DLG2: variants seen among roughly 807,000 people sequenced by gnomAD.
DLG2 encodes disks large homolog 2.
A neutral mutation model predicts 132.5 loss-of-function variants in DLG2; 45 were observed. The ratio of observed to expected loss-of-function variants is 0.34; its 90% confidence interval spans 0.27 to 0.44. The LOEUF (loss-of-function observed/expected upper bound fraction) is 0.44. Among genes scored for constraint, DLG2 ranks in the 20% least tolerant of loss-of-function variants. The probability of loss-of-function intolerance (pLI) is 1.00; values close to 1 mark genes in which losing one functional copy is unlikely to be tolerated. For synonymous variants in DLG2, 424 were observed against 419.6 expected (o/e 1.01, Z -0.13); for missense variants, 1,045 against 1,196.9 (o/e 0.87, Z 1.87).
intron 6 of DLG2, among the ~76,000 whole-genome samples, chr11:84,701,805 G>T (rs573797867): frequency 6.6e-6 from 1 of 151,604 alleles, no homozygotes; most frequent in South Asian, 2.1e-4. Context: ...TTAAAGCCCC[G>T]AACAGTGCCT....
chr11:85,188,818 G>A (rs572310444), intron 4 of DLG2, among the ~76,000 whole-genome samples: 1 of 152,168 alleles, frequency 6.6e-6, no homozygotes, highest in Admixed American at 6.5e-5. Context: ...GAAGAACAAA[G>A]AGAAAATGAA....
intron 6 of DLG2, among the ~76,000 whole-genome samples, chr11:85,010,093 G>C (rs986460579): frequency 6.6e-6 from 1 of 152,038 alleles, no homozygotes; most frequent in African/African-American, 2.4e-5. Flanking sequence ...TCAACCTTTG[G>C]AGGAACGGAG....
intron 18 of DLG2, among the ~76,000 whole-genome samples, chr11:83,738,893 C>T (rs1322814720): frequency 2.6e-5 from 4 of 152,168 alleles, no homozygotes; most frequent in African/African-American, 7.2e-5. Flanking sequence ...TTTTAACACA[C>T]AAATCCTGCT....
chr11:84,942,858 C>G (rs1478496466), intron 6 of DLG2, among the ~76,000 whole-genome samples: 1 of 152,102 alleles, frequency 6.6e-6, no homozygotes, highest in African/African-American at 2.4e-5. Flanking sequence ...ATTTTTCCCT[C>G]TCTTTGGCTT....
chr11:84,240,192 C>T (rs916949409), intron 8 of DLG2, among the ~76,000 whole-genome samples: 25 of 152,248 alleles, frequency 1.6e-4, no homozygotes, highest in African/African-American at 5.3e-4. Flanking sequence ...TCTTGGACTA[C>T]ATGTGCAAGG....
At chr11:84,970,807 TA>T (rs1261949402) in intron 6 of DLG2, among the ~76,000 whole-genome samples, 1 of 152,148 alleles carries the variant, frequency 6.6e-6, no homozygotes, top group African/African-American at 2.4e-5. Context: ...TTAAGAAAAA[TA>T]TCCTATTTAG....
intron 21 of DLG2, among the ~76,000 whole-genome samples, chr11:83,527,919 C>G (rs1174898430): frequency 6.6e-6 from 1 of 152,042 alleles, no homozygotes; most frequent in Non-Finnish European, 1.5e-5. Context: ...CAATAAGTAA[C>G]AGAATGGCTG....
chr11:84,901,381 G>A (rs1187445365), intron 6 of DLG2, among the ~76,000 whole-genome samples: 3 of 152,062 alleles, frequency 2.0e-5, no homozygotes, highest in South Asian at 2.1e-4. Flanking sequence ...TGGGATAAGA[G>A]ATGCCATAGC....
intron 3 of DLG2, among the ~76,000 whole-genome samples, chr11:85,388,843 G>A (rs776689586): frequency 3.9e-5 from 6 of 152,056 alleles, no homozygotes; most frequent in Non-Finnish European, 5.9e-5. Flanking sequence ...CAAAAAAATC[G>A]GAACAGAAGC....
intron 6 of DLG2, among the ~76,000 whole-genome samples, chr11:84,635,030 G>A (rs1040316856): frequency 4.6e-5 from 7 of 152,184 alleles, no homozygotes; most frequent in African/African-American, 1.7e-4. Flanking sequence ...ATGACAACAG[G>A]GGCCTCTGCA....
At position 83,698,992 on chromosome 11, in the gene DLG2, C is replaced by T. The variant is rs117810004; in HGVS notation, c.1826-65667G>A. 4.8e-3 allele frequency among the ~76,000 whole-genome samples: 728 copies of T among 152,218 alleles called. 3 individuals are homozygous for T. The highest frequency in any genetic ancestry group is 6.8e-3 in the Middle Eastern group (2 of 294). On this transcript the variant is annotated intron_variant, in intron 18 of 27. Transcript: ENST00000376104. ...ATGTGAGAAGTGGGCTGCAGGTAGA[C>T]GTCCAGCAGGGGCAGAAAAAAAATA...
intron 3 of DLG2, among the ~76,000 whole-genome samples, chr11:85,483,326 TA>T (rs1019411984): frequency 1.3e-5 from 2 of 152,168 alleles, no homozygotes; most frequent in African/African-American, 4.8e-5. Context: ...TGCTGAAGTG[TA>T]AAAAATTTTT....
chr11:83,906,615 G>C (rs1277152289), intron 15 of DLG2, among the ~76,000 whole-genome samples: 2 of 152,048 alleles, frequency 1.3e-5, no homozygotes, highest in African/African-American at 4.8e-5. Flanking sequence ...TTACTGTGTA[G>C]GCAATGCAAA....
chr11:85,615,633 A>C (rs2081282582), intron 2 of DLG2, among the ~76,000 whole-genome samples: 1 of 152,222 alleles, frequency 6.6e-6, no homozygotes, highest in South Asian at 2.1e-4. Context: ...AATAGTGAAG[A>C]ATATGTATGG....
chr11:84,273,614 C>G (rs1365959050), intron 7 of DLG2, among the ~76,000 whole-genome samples: 1 of 152,028 alleles, frequency 6.6e-6, no homozygotes, highest in African/African-American at 2.4e-5. Flanking sequence ...AATATTCCTA[C>G]CAGAAGATTT....
At chr11:83,835,780 A>C (rs2055980312) in intron 16 of DLG2, among the ~76,000 whole-genome samples, 1 of 152,164 alleles carries the variant, frequency 6.6e-6, no homozygotes, top group East Asian at 1.9e-4. Context: ...GCTCAGCTTT[A>C]TTGCAAATTT....
intron 16 of DLG2, among the ~76,000 whole-genome samples, chr11:83,837,247 G>T (rs2056439735): frequency 6.6e-6 from 1 of 152,124 alleles, no homozygotes; most frequent in African/African-American, 2.4e-5. Flanking sequence ...GTAGGGGAAT[G>T]GAATGCCAAC....
chr11:84,094,441 G>T (rs1327495662), intron 10 of DLG2, among the ~76,000 whole-genome samples: 1 of 151,938 alleles, frequency 6.6e-6, no homozygotes, highest in Non-Finnish European at 1.5e-5. Context: ...TTATTTCTGT[G>T]GACCTTAGTT....
At position 84,533,683 on chromosome 11, in the gene DLG2, T is replaced by C. The variant is rs540028883; in HGVS notation, c.519+887A>G. ...GACACTTTTATGTCTTTATTTTTTA[T>C]TGTAGCACAGCTGTGTAGAAGTGCT... On this transcript the variant is annotated intron_variant, in intron 7 of 27. Coordinates refer to ENST00000376104, the MANE Select transcript of DLG2 (RefSeq NM_001142699.3). 5.3e-5 allele frequency among the ~76,000 whole-genome samples: 8 copies of C among 152,218 alleles called. No homozygotes were observed. In the East Asian group the frequency reaches 1.5e-3, roughly 29 times the overall value.
Sources: gnomAD v4.1 joint callset for allele counts (sites outside exome capture counted in the v4.1 genomes callset) on GRCh38, gnomAD v4.1.1 for gene constraint, MANE v1.5 for transcripts, NCBI Gene and HGNC (gene_info 2026-07-23, HGNC 2026-07-21) for gene names.